The following ANXA8 variants were observed in gnomAD, a reference collection of about 807,000 sequenced individuals.
ANXA8 encodes the protein annexin A8, also known as VAC-beta.
ANXA8 carries 9 observed loss-of-function variants against 26.8 expected under a neutral mutation model. The ratio of observed to expected loss-of-function variants is 0.34; its 90% confidence interval spans 0.20 to 0.59. The LOEUF is 0.59. ANXA8 is among the 20% of genes least tolerant of loss of function. The pLI is 0.84. For synonymous variants in ANXA8, 39 were observed against 94.8 expected (o/e 0.41, Z 3.42); for missense variants, 83 against 238.5 (o/e 0.35, Z 4.29).
At chr10:47,747,271 G>A in the ANXA8 span, among the ~76,000 whole-genome samples, 1 of 152,086 alleles carries the variant, frequency 6.6e-6, no homozygotes, top group African/African-American at 2.4e-5. Flanking sequence ...TGGAACTGAA[G>A]GGGCCAAGAT....
At chr10:47,535,649 C>A in the ANXA8 span, among the ~76,000 whole-genome samples, 1 of 132,632 alleles carries the variant, frequency 7.5e-6, no homozygotes. Flanking sequence ...TATATAGATA[C>A]GTATATAAAG....
At chr10:47,980,901 GATT>G in the ANXA8 span, among the ~76,000 whole-genome samples, 1 of 151,450 alleles carries the variant, frequency 6.6e-6, no homozygotes. Context: ...ATTTAAAAAA[GATT>G]ATTGTCAATT....
At chr10:47,949,466 T>C in the ANXA8 span, among the ~76,000 whole-genome samples, 1 of 149,512 alleles carries the variant, frequency 6.7e-6, no homozygotes, top group East Asian at 2.1e-4. Context: ...GGACAAAGGA[T>C]GAAAAACACT....
the ANXA8 span, among the ~76,000 whole-genome samples, chr10:47,941,516 G>A: frequency 6.8e-5 from 10 of 147,168 alleles, no homozygotes; most frequent in East Asian, 4.2e-4. Flanking sequence ...TTAGCCAGGC[G>A]TGGTGGCATG....
the ANXA8 span, chr10:47,502,614 G>C: frequency 3.6e-4 from 580 of 1,593,522 alleles, 28 homozygotes; most frequent in African/African-American, 6.5e-3. Flanking sequence ...AACTGCGGTG[G>C]ATACCTGAGC....
At chr10:47,940,331 G>A in the ANXA8 span, among the ~76,000 whole-genome samples, 1 of 145,342 alleles carries the variant, frequency 6.9e-6, no homozygotes, top group African/African-American at 2.7e-5. Flanking sequence ...CCACCATGAA[G>A]AACAGATATT....
chr10:47,975,973 A>G, the ANXA8 span, among the ~76,000 whole-genome samples: 1 of 149,992 alleles, frequency 6.7e-6, no homozygotes, highest in Non-Finnish European at 1.5e-5. Context: ...GAAGACTTGA[A>G]TTTTCTGACT....
the ANXA8 span, among the ~76,000 whole-genome samples, chr10:47,930,767 A>G: frequency 1.3e-5 from 2 of 152,106 alleles, no homozygotes; most frequent in Admixed American, 1.3e-4. Context: ...TCCAACTGTT[A>G]TAGTTCATCA....
the ANXA8 span, among the ~76,000 whole-genome samples, chr10:47,907,221 G>A: frequency 6.6e-6 from 1 of 151,996 alleles, no homozygotes; most frequent in Non-Finnish European, 1.5e-5. Flanking sequence ...GCCGGGCGTG[G>A]TGGCGGGTGC....
At chr10:47,495,522 G>A in the ANXA8 span, among the ~76,000 whole-genome samples, 1 of 148,620 alleles carries the variant, frequency 6.7e-6, no homozygotes, top group African/African-American at 2.5e-5. Flanking sequence ...CTGACCTCAG[G>A]TGATCCACCT....
chr10:47,742,031 G>A, the ANXA8 span, among the ~76,000 whole-genome samples: 1 of 106,242 alleles, frequency 9.4e-6, no homozygotes, highest in Non-Finnish European at 2.0e-5. Flanking sequence ...ATAGAGATGG[G>A]GTTTTTCCAT....
the ANXA8 span, among the ~76,000 whole-genome samples, chr10:47,699,176 G>C: frequency 1.3e-5 from 2 of 150,052 alleles, no homozygotes; most frequent in African/African-American, 4.9e-5. Context: ...GCAAAACCCT[G>C]TCTGTACTAA....
At chr10:47,976,138 CCAAA>C in the ANXA8 span, among the ~76,000 whole-genome samples, 7 of 147,094 alleles carry the variant, frequency 4.8e-5, no homozygotes, top group African/African-American at 1.7e-4. Flanking sequence ...AACAACTACC[CCAAA>C]CAATCACATG....
At chr10:47,499,971 T>C in the ANXA8 span, among the ~76,000 whole-genome samples, 1 of 151,478 alleles carries the variant, frequency 6.6e-6, no homozygotes, top group Non-Finnish European at 1.5e-5. Context: ...GGGTCTCACT[T>C]TATTGCCCAG....
At chr10:47,599,614 A>C in the ANXA8 span, 2 of 145,552 alleles carry the variant, frequency 1.4e-5, no homozygotes, top group Admixed American at 1.3e-4. Context: ...CTTTCAAATT[A>C]AACAGTCAAA....
chr10:47,898,989 A>G, the ANXA8 span, among the ~76,000 whole-genome samples: 2 of 149,474 alleles, frequency 1.3e-5, no homozygotes, highest in African/African-American at 4.9e-5. Flanking sequence ...GTGAACCACA[A>G]TGATCAGCTA....
the ANXA8 span, among the ~76,000 whole-genome samples, chr10:47,973,702 G>A: frequency 1.3e-5 from 2 of 150,912 alleles, no homozygotes; most frequent in African/African-American, 4.8e-5. Context: ...AACTCACCCA[G>A]CCAGGCTGCC....
the ANXA8 span, among the ~76,000 whole-genome samples, chr10:47,947,368 G>T: frequency 1.4e-5 from 2 of 141,368 alleles, no homozygotes; most frequent in Non-Finnish European, 3.0e-5. Context: ...TGCTATGGTT[G>T]CATGTGTCCC....
chr10:47,671,459 G>A, the ANXA8 span, among the ~76,000 whole-genome samples: 8 of 150,524 alleles, frequency 5.3e-5, no homozygotes, highest in South Asian at 2.1e-4. Context: ...AAACAAAACC[G>A]ACTATATTTC....
Sources: gnomAD v4.1 joint callset for allele counts (sites outside exome capture counted in the v4.1 genomes callset) on GRCh38, gnomAD v4.1.1 for gene constraint, MANE v1.5 for transcripts, NCBI Gene and HGNC (gene_info 2026-07-23, HGNC 2026-07-21) for gene names.